MBNL2: variants seen among roughly 807,000 people sequenced by gnomAD.
MBNL2 encodes muscleblind-like protein 2.
In MBNL2, 17 loss-of-function variants were observed where a neutral mutation model predicts 41.9. The ratio of observed to expected loss-of-function variants is 0.41; its 90% CI spans 0.28 to 0.61. The LOEUF is 0.61. Ranked by LOEUF, MBNL2 falls within the 20% of genes least tolerant of loss-of-function variation. MBNL2 has a pLI of 0.35. For synonymous variants in MBNL2, 195 were observed against 182.9 expected (o/e 1.07, Z -0.53); for missense variants, 336 against 505.6 (o/e 0.66, Z 3.22).
rs79586080 is a variant in MBNL2, at chr13:97,365,197, C to A, written c.1048+26C>A. On this transcript the variant is annotated intron_variant, in intron 8 of 8. Coordinates refer to ENST00000679496, the MANE Select transcript of MBNL2 (RefSeq NM_001382683.1). ...GTAGGTTTCAACCTTTTTTATTTGT[C>A]TTTTATATGATGTACAATACCTTCA... 6.0e-3 allele frequency: 9,120 copies of A among 1,507,764 alleles called. 212 individuals are homozygous for A. The African/African-American group carries it at 0.061, about 10-fold the overall frequency. The allele number at this position is 1,507,764 out of a possible 1,614,324, so 93.4% of individuals were successfully genotyped here.
chr13:97,181,295 T>C, the MBNL2 span, among the ~76,000 whole-genome samples: 1 of 152,100 alleles, frequency 6.6e-6, no homozygotes, highest in African/African-American at 2.4e-5. Context: ...TATTCACAGG[T>C]TCCTGGATTT....
chr13:97,172,906 G>A, the MBNL2 span: 11 of 151,430 alleles, frequency 7.3e-5, no homozygotes, highest in South Asian at 2.1e-4. Context: ...GTGGAGGCTC[G>A]AAAAAAAATA....
intron 1 of MBNL2, among the ~76,000 whole-genome samples, chr13:97,269,668 G>T: frequency 6.6e-6 from 1 of 152,170 alleles, no homozygotes; most frequent in East Asian, 1.9e-4. Context: ...AAGAAAGCGG[G>T]CTTAAGGTTT....
intron 8 of MBNL2, among the ~76,000 whole-genome samples, chr13:97,373,605 A>ATATATAT (rs2064618432): frequency 3.5e-4 from 51 of 145,410 alleles, no homozygotes; most frequent in Admixed American, 1.5e-3. Context: ...GTATGCTAAA[A>ATATATAT]ATATATATAT....
At chr13:97,213,424 C>A in the MBNL2 span, among the ~76,000 whole-genome samples, 2 of 152,126 alleles carry the variant, frequency 1.3e-5, no homozygotes, top group Non-Finnish European at 2.9e-5. Flanking sequence ...AAAATTAATT[C>A]TCAGACACAG....
the MBNL2 span, among the ~76,000 whole-genome samples, chr13:97,154,853 T>A: frequency 6.7e-6 from 1 of 150,306 alleles, no homozygotes; most frequent in Non-Finnish European, 1.5e-5. Context: ...ACAAGCTGAT[T>A]CAACTAAAAT....
the MBNL2 span, among the ~76,000 whole-genome samples, chr13:97,184,658 T>C: frequency 6.6e-6 from 1 of 152,178 alleles, no homozygotes; most frequent in Non-Finnish European, 1.5e-5. Context: ...AATTTTTGTA[T>C]TTTTAGTAGG....
rs3055758 is a variant in MBNL2, at chr13:97,346,243, AGATGGATGGATGGATGGATG to A, written c.541-549_541-530del. ...AAATAATGATAGATTAACAGATAAT[AGATGGATGGATGGATGGATG>A]GATGGATGGATAGATGGATGGGTGG... On this transcript the variant is annotated intron_variant, in intron 4 of 8. Coordinates refer to ENST00000679496, the MANE Select transcript of MBNL2 (RefSeq NM_001382683.1). The surrounding 1 kb of genome is among the most constrained non-coding windows in gnomAD (Gnocchi z 4.2). Among the ~76,000 whole-genome samples the A allele has an allele frequency of 6.6e-6, 1 of 150,906 alleles. No individual in the cohort carries two copies.
the MBNL2 span, among the ~76,000 whole-genome samples, chr13:97,152,618 A>T: frequency 3.3e-5 from 5 of 152,218 alleles, no homozygotes; most frequent in African/African-American, 1.2e-4. Context: ...AGAGAAAAAT[A>T]ATCAATGCCT....
At chr13:97,332,977 T>C (rs2060554224) in intron 2 of MBNL2, among the ~76,000 whole-genome samples, 1 of 152,116 alleles carries the variant, frequency 6.6e-6, no homozygotes, top group African/African-American at 2.4e-5. Flanking sequence ...CCCTTCTCCA[T>C]GGTGGTGGGG....
the MBNL2 span, among the ~76,000 whole-genome samples, chr13:97,197,097 G>A: frequency 6.6e-6 from 1 of 152,144 alleles, no homozygotes; most frequent in Non-Finnish European, 1.5e-5. Context: ...CTACTTGACT[G>A]GGAGGTCAGA....
the MBNL2 span, among the ~76,000 whole-genome samples, chr13:97,180,198 A>G: frequency 6.6e-6 from 1 of 152,196 alleles, no homozygotes; most frequent in Non-Finnish European, 1.5e-5. Flanking sequence ...AGGGAACAGC[A>G]TCAAAGATGA....
Position 97,275,954 on chromosome 13 carries a change from G to A in MBNL2, c.-282G>A. The A allele has an allele frequency of 3.3e-6, 1 of 304,348 alleles. No individual in the cohort carries two copies. Among genetic ancestry groups the A allele is most frequent in the Admixed American group, 4.7e-5 (1 of 21,272 alleles). The allele number at this position is 304,348 out of a possible 1,614,324, so 18.9% of individuals were successfully genotyped here. A position where few individuals can be genotyped will look rare whatever the true frequency, so the allele number is the denominator to read the frequency against. ...CACTTTATTAATAACAGCTGTATCTGCAAAACAGTCAAGAGACTCGGACGT... is the reference window on the plus strand; with the variant it reads ...CACTTTATTAATAACAGCTGTATCTACAAAACAGTCAAGAGACTCGGACGT... On this transcript the variant is annotated 5_prime_UTR_variant, in exon 2 of 9. Coordinates refer to ENST00000679496, the MANE Select transcript of MBNL2 (RefSeq NM_001382683.1).
chr13:97,349,181 GATGT>G (rs1177990190), intron 5 of MBNL2, among the ~76,000 whole-genome samples: 2 of 126,810 alleles, frequency 1.6e-5, no homozygotes, highest in Non-Finnish European at 1.5e-5. Flanking sequence ...TATATGTGGA[GATGT>G]ATGTATCCAC....
At chr13:97,146,566 G>A in the MBNL2 span, among the ~76,000 whole-genome samples, 1 of 152,188 alleles carries the variant, frequency 6.6e-6, no homozygotes, top group East Asian at 1.9e-4. Context: ...AGGATTGTAT[G>A]GAAGGAAGGA....
chr13:97,177,037 T>C, the MBNL2 span, among the ~76,000 whole-genome samples: 1 of 152,134 alleles, frequency 6.6e-6, no homozygotes, highest in Admixed American at 6.6e-5. Context: ...ATCTTTGCCA[T>C]AGAAATAAGA....
the MBNL2 span, among the ~76,000 whole-genome samples, chr13:97,185,105 CAG>C: frequency 1.1e-4 from 16 of 152,202 alleles, no homozygotes; most frequent in Non-Finnish European, 2.2e-4. Flanking sequence ...TAATATTCAA[CAG>C]AGTGTTCATA....
intron 1 of MBNL2, among the ~76,000 whole-genome samples, chr13:97,235,832 G>A (rs2043175044): frequency 6.6e-6 from 1 of 151,808 alleles, no homozygotes; most frequent in Non-Finnish European, 1.5e-5. Flanking sequence ...GCAAATCCTG[G>A]AGTTAGGTTT....
At chr13:97,250,043 T>G (rs1225810083) in intron 1 of MBNL2, among the ~76,000 whole-genome samples, 1 of 152,326 alleles carries the variant, frequency 6.6e-6, no homozygotes, top group East Asian at 1.9e-4. Context: ...CTTTCTCAGC[T>G]TTTTTTGGAA....
Sources: allele counts gnomAD v4.1 joint callset (sites outside exome capture counted in the v4.1 genomes callset), GRCh38; gene constraint gnomAD v4.1.1; non-coding constraint Gnocchi (gnomAD v3.1); transcripts MANE v1.5; gene names NCBI Gene and HGNC (gene_info 2026-07-23, HGNC 2026-07-21).